CDH18: variants seen among roughly 807,000 people sequenced by gnomAD.
CDH18 encodes cadherin 18.
Under a neutral mutation model 67.9 loss-of-function variants are expected in CDH18, and 31 were observed. The observed-to-expected ratio is 0.46, with a 90% CI of 0.34 to 0.62. CDH18 has a LOEUF of 0.62. Ranked by LOEUF, CDH18 falls within the 20% of genes least tolerant of loss-of-function variation. The probability of loss-of-function intolerance (pLI) is 0.01; values close to 1 mark genes in which losing one functional copy is unlikely to be tolerated. For missense variants in CDH18, 890 were observed against 975.5 expected (o/e 0.91, Z 1.17); for synonymous variants, 362 against 347.2 (o/e 1.04, Z -0.48).
intron 1 of CDH18, among the ~76,000 whole-genome samples, chr5:20,468,215 C>T (rs1040960806): frequency 6.6e-6 from 1 of 152,008 alleles, no homozygotes; most frequent in Admixed American, 6.6e-5. Flanking sequence ...GGGGTTTCAT[C>T]GTGTTGGTCA....
chr5:19,989,686 C>A (rs1310933043), upstream of CDH18, among the ~76,000 whole-genome samples: 2 of 152,140 alleles, frequency 1.3e-5, no homozygotes, highest in South Asian at 2.1e-4. Flanking sequence ...TTGGAAGTTT[C>A]TTGGGTCTGA....
chr5:19,669,852 T>G lies in CDH18; in HGVS notation c.643+51495A>C, dbSNP rs891623711. On this transcript the variant is annotated intron_variant, in intron 5 of 12. Transcript: ENST00000382275. ...TTTACAATTATATCAAATACAATGGTTAACACAACAGAAACAAAGAAAACA... is the reference window on the plus strand; with the variant it reads ...TTTACAATTATATCAAATACAATGGGTAACACAACAGAAACAAAGAAAACA... Among the ~76,000 whole-genome samples, 3 of 152,246 alleles carry G rather than the reference T, an allele frequency of 2.0e-5. No individual in the cohort carries two copies. In the East Asian group the frequency reaches 5.8e-4, roughly 29 times the overall value.
At chr5:20,041,445 C>T (rs563877062) in intron 2 of CDH18, among the ~76,000 whole-genome samples, 3 of 152,252 alleles carry the variant, frequency 2.0e-5, no homozygotes, top group Non-Finnish European at 2.9e-5. Context: ...CTTCTCATAC[C>T]ACATTTATAT....
chr5:19,934,871 C>T (rs1579672976), intron 2 of CDH18, among the ~76,000 whole-genome samples: 1 of 151,254 alleles, frequency 6.6e-6, no homozygotes, highest in Non-Finnish European at 1.5e-5. Context: ...TTTATTTTAT[C>T]CTAAGTCCTG....
At chr5:20,154,069 G>T (rs6882821) in intron 2 of CDH18, among the ~76,000 whole-genome samples, 3,787 of 152,174 alleles carry the variant, frequency 0.025, 147 homozygotes, top group African/African-American at 0.086. Context: ...TCCATTTCCA[G>T]TAACAGGCCG....
chr5:19,880,113 A>G (rs1184496411), intron 2 of CDH18, among the ~76,000 whole-genome samples: 1 of 151,874 alleles, frequency 6.6e-6, no homozygotes, highest in African/African-American at 2.4e-5. Flanking sequence ...AAAATGCTCA[A>G]AGAAATCATC....
At chr5:19,830,581 C>A (rs1041547696) in intron 3 of CDH18, among the ~76,000 whole-genome samples, 2 of 152,018 alleles carry the variant, frequency 1.3e-5, no homozygotes, top group Non-Finnish European at 2.9e-5. Context: ...TTATACACTG[C>A]TGATGGGAAT....
At chr5:19,891,332 C>T (rs764905768) in intron 2 of CDH18, among the ~76,000 whole-genome samples, 17 of 152,044 alleles carry the variant, frequency 1.1e-4, no homozygotes, top group Non-Finnish European at 2.2e-4. Flanking sequence ...ATAGGGCTAA[C>T]GTGTGAGTAG....
intron 2 of CDH18, among the ~76,000 whole-genome samples, chr5:20,025,215 A>G (rs1239795669): frequency 6.6e-6 from 1 of 152,164 alleles, no homozygotes; most frequent in East Asian, 1.9e-4. Flanking sequence ...CCGCCTTTCA[A>G]TGTACAGATC....
At chr5:19,598,499 A>G (rs1197066978) in intron 6 of CDH18, among the ~76,000 whole-genome samples, 1 of 152,162 alleles carries the variant, frequency 6.6e-6, no homozygotes, top group East Asian at 1.9e-4. Flanking sequence ...AGTTTACAAC[A>G]AAAGAAGGAC....
chr5:19,721,542 A>G (rs1348130529), intron 4 of CDH18, 76 bp from the exon 5 acceptor site: 7 of 1,369,804 alleles, frequency 5.1e-6, no homozygotes, highest in Non-Finnish European at 7.1e-6. Context: ...GAAAATGGGT[A>G]TGCTGAAATA....
At chr5:19,985,774 A>G (rs80265631) in intron 1 of CDH18, among the ~76,000 whole-genome samples, 3 of 152,132 alleles carry the variant, frequency 2.0e-5, no homozygotes, top group Non-Finnish European at 2.9e-5. Flanking sequence ...CACCATATAC[A>G]TGCTTTGTCT....
intron 2 of CDH18, among the ~76,000 whole-genome samples, chr5:20,192,066 T>C (rs553102773): frequency 6.6e-6 from 1 of 152,242 alleles, no homozygotes; most frequent in East Asian, 1.9e-4. Flanking sequence ...TGGCGTGAGA[T>C]GGTATCTCAT....
intron 5 of CDH18, among the ~76,000 whole-genome samples, chr5:19,713,739 T>G (rs1291435485): frequency 6.6e-6 from 1 of 152,152 alleles, no homozygotes; most frequent in African/African-American, 2.4e-5. Context: ...TAGTTTCATT[T>G]TGATTCCCCC....
chr5:19,765,896 T>C lies in CDH18; in HGVS notation c.229-18660A>G, dbSNP rs185808575. On this transcript the variant is annotated intron_variant, in intron 3 of 12. Transcript: ENST00000382275. The stretch of plus-strand genomic sequence containing the variant: ...TTCAAAAAACATTTTTTTTTTTCTT[T>C]TGAGACAGAGTCTCGCTCTGCCACC... Among the ~76,000 whole-genome samples, 70 of 152,252 alleles carry C rather than the reference T, an allele frequency of 4.6e-4. 1 individual carries two copies. The highest frequency in any genetic ancestry group is 1.6e-3 in the African/African-American group (68 of 41,540).
At chr5:19,833,976 AT>A (rs1328385219) in intron 3 of CDH18, among the ~76,000 whole-genome samples, 9 of 151,254 alleles carry the variant, frequency 6.0e-5, no homozygotes, top group Non-Finnish European at 1.2e-4. Context: ...CGGCCTGAAG[AT>A]TTTTTTGTTG....
intron 1 of CDH18, among the ~76,000 whole-genome samples, chr5:20,515,368 C>CA (rs1469335404): frequency 6.6e-6 from 1 of 150,686 alleles, no homozygotes; most frequent in Non-Finnish European, 1.5e-5. Flanking sequence ...CTGTACGCTA[C>CA]AAAAAACAAC....
At chr5:19,990,692 A>G (rs575863317), upstream of CDH18, among the ~76,000 whole-genome samples, 5 of 152,282 alleles carry the variant, frequency 3.3e-5, no homozygotes, top group East Asian at 9.7e-4. Context: ...AACTGTGCCA[A>G]TTTTCCCTAG....
intron 2 of CDH18, among the ~76,000 whole-genome samples, chr5:19,919,070 T>G (rs184621736): frequency 6.6e-6 from 1 of 152,162 alleles, no homozygotes; most frequent in African/African-American, 2.4e-5. Context: ...TAATCAACTC[T>G]GACTATGTAA....
Sources: allele counts gnomAD v4.1 joint callset (sites outside exome capture counted in the v4.1 genomes callset), GRCh38; gene constraint gnomAD v4.1.1; transcripts MANE v1.5; gene names NCBI Gene and HGNC (gene_info 2026-07-23, HGNC 2026-07-21).